Variants in LRBA observed in about 807,000 individuals in gnomAD.
LRBA encodes LPS responsive beige-like anchor protein.
LRBA carries 176 observed loss-of-function variants against 330.0 expected under a neutral mutation model. That is an observed-to-expected ratio of 0.53 (90% CI 0.47 to 0.60). LRBA has a LOEUF of 0.60. Among genes scored for constraint, LRBA ranks in the 20% least tolerant of loss-of-function variants. LRBA has a pLI of 0.00. For synonymous variants in LRBA, 1,230 were observed against 1,193.0 expected (o/e 1.03, Z -0.64); for missense variants, 3,259 against 3,444.8 (o/e 0.95, Z 1.35).
chr4:150,517,320 G>A (rs1050962930), intron 40 of LRBA, among the ~76,000 whole-genome samples: 10 of 152,010 alleles, frequency 6.6e-5, no homozygotes, highest in East Asian at 5.8e-4. Context: ...CCAGGAGTTC[G>A]AGACCAGCCT....
intron 40 of LRBA, chr4:150,584,472 T>TCCCC (rs67191302): frequency 1.6e-5 from 2 of 129,026 alleles, no homozygotes; most frequent in African/African-American, 8.3e-5. Flanking sequence ...CTCCACCCCA[T>TCCCC]CCCCCCCCCC....
intron 12 of LRBA, 74 bp from the exon 13 acceptor site, chr4:150,906,064 GA>G: frequency 1.5e-6 from 2 of 1,299,352 alleles, no homozygotes; most frequent in African/African-American, 1.5e-5. Context: ...TCCCTACCAG[GA>G]AAAAAACTGG....
At chr4:150,950,207 C>A (rs1736680303) in intron 2 of LRBA, among the ~76,000 whole-genome samples, 1 of 152,074 alleles carries the variant, frequency 6.6e-6, no homozygotes, top group Non-Finnish European at 1.5e-5. Flanking sequence ...ATAGCAGTGA[C>A]ATATTTCAAA....
chr4:150,609,551 G>A (rs1231985681), intron 37 of LRBA, among the ~76,000 whole-genome samples: 1 of 152,232 alleles, frequency 6.6e-6, no homozygotes, highest in Non-Finnish European at 1.5e-5. Flanking sequence ...AGTGAAGTCA[G>A]GAAGTTCACT....
chr4:150,910,393 T>C (rs1731849473), intron 9 of LRBA, among the ~76,000 whole-genome samples: 1 of 152,188 alleles, frequency 6.6e-6, no homozygotes, highest in South Asian at 2.1e-4. Flanking sequence ...CATCTGGATA[T>C]CCAGTTTTCC....
At position 150,360,743 on chromosome 4, in the gene LRBA, G is replaced by A. The variant is rs539087208; in HGVS notation, c.7195-10584C>T. ...AGAGGCCATTACAATTCTCAGTGCC[G>A]TGAAGAATGGCTACACCTTAGGAAA... is the stretch of plus-strand genomic sequence containing the variant. On this transcript the variant is annotated intron_variant, in intron 47 of 56. Transcript: ENST00000651943. 3.2e-4 allele frequency among the ~76,000 whole-genome samples: 48 copies of A among 152,288 alleles called. 1 individual carries two copies. Among genetic ancestry groups the A allele is most frequent in the Admixed American group, 1.9e-3 (29 of 15,308 alleles).
intron 47 of LRBA, among the ~76,000 whole-genome samples, chr4:150,381,219 C>CA (rs1430752430): frequency 1.3e-5 from 2 of 152,030 alleles, no homozygotes; most frequent in Non-Finnish European, 2.9e-5. Flanking sequence ...AACTCACATA[C>CA]CACAGAATTC....
chr4:150,908,602 C>T lies in LRBA; in HGVS notation c.1359+58G>A, dbSNP rs547866506. 23 of 1,499,350 alleles carry T rather than the reference C, an allele frequency of 1.5e-5. No homozygotes were observed. In the South Asian group the frequency reaches 2.3e-4, roughly 15 times the overall value. The allele number at this position is 1,499,350 out of a possible 1,614,324, so 92.9% of individuals were successfully genotyped here. On this transcript the variant is annotated intron_variant, in intron 10 of 56. Transcript: ENST00000651943. ...GTTTAACAGAAGCTACCAAATACAT[C>T]TCAATAACACATCAAAAATTACCAT... is the stretch of plus-strand genomic sequence containing the variant.
At chr4:150,356,883 GA>G (rs1326396331) in intron 47 of LRBA, among the ~76,000 whole-genome samples, 1 of 151,812 alleles carries the variant, frequency 6.6e-6, no homozygotes, top group Non-Finnish European at 1.5e-5. Context: ...TATTTACAAA[GA>G]AAAGTTTAAT....
intron 2 of LRBA, among the ~76,000 whole-genome samples, chr4:150,975,269 C>T (rs1045019982): frequency 6.6e-6 from 1 of 152,212 alleles, no homozygotes; most frequent in Admixed American, 6.5e-5. Context: ...TGGCTCACGC[C>T]TGTAATCCCA....
intron 2 of LRBA, among the ~76,000 whole-genome samples, chr4:150,934,216 T>C (rs1734820289): frequency 6.6e-6 from 1 of 152,180 alleles, no homozygotes; most frequent in African/African-American, 2.4e-5. Context: ...TATTCAAATA[T>C]TTAACAACTG....
chr4:150,890,823 A>G (rs1729385957), intron 17 of LRBA, among the ~76,000 whole-genome samples: 1 of 152,222 alleles, frequency 6.6e-6, no homozygotes, highest in Non-Finnish European at 1.5e-5. Context: ...CTAAAAGTAT[A>G]AAGTATAGAC....
chr4:150,569,573 C>T (rs1391497164), intron 40 of LRBA, among the ~76,000 whole-genome samples: 2 of 152,110 alleles, frequency 1.3e-5, no homozygotes, highest in Non-Finnish European at 2.9e-5. Flanking sequence ...TATAACTGTA[C>T]AGCAGAGACT....
intron 28 of LRBA, among the ~76,000 whole-genome samples, chr4:150,840,247 C>T (rs1748862245): frequency 6.6e-6 from 1 of 152,318 alleles, no homozygotes; most frequent in African/African-American, 2.4e-5. Flanking sequence ...TAATCGTTTA[C>T]TTTTAATTTC....
chr4:150,415,471 T>G lies in LRBA; in HGVS notation c.7161A>C (p.Lys2387Asn). The change falls in exon 47 of 57, where the codon AAA becomes AAC. Residue 2387 changes from lysine (K) to asparagine (N), a missense_variant. By Grantham distance (94) the Lys-to-Asn change is moderately conservative. Transcript: ENST00000651943. The part of the protein sequence containing the change: ...VSDVELPPWA[K>N]TSEEFVHINR... ...TTATGTGAACAAATTCTTCTGAGGTTTTGGCCCAAGGAGGAAGTTCGACAT... is the reference window on the plus strand; with the variant it reads ...TTATGTGAACAAATTCTTCTGAGGTGTTGGCCCAAGGAGGAAGTTCGACAT... 6.2e-7 allele frequency: 1 copy of G among 1,613,740 alleles called. No individual in the cohort carries two copies. The highest frequency in any genetic ancestry group is 8.5e-7 in the Non-Finnish European group (1 of 1,179,780).
chr4:150,825,329 G>A (rs997695458), intron 30 of LRBA, among the ~76,000 whole-genome samples: 6 of 152,088 alleles, frequency 3.9e-5, no homozygotes, highest in African/African-American at 1.2e-4. Flanking sequence ...TTAAAATGCT[G>A]TGTGACACTA....
chr4:150,713,861 C>T lies in LRBA; in HGVS notation c.5754+21397G>A, dbSNP rs534218629. Among the ~76,000 whole-genome samples the T allele has an allele frequency of 2.4e-4, 36 of 152,208 alleles. 1 individual carries two copies. The highest frequency in any genetic ancestry group is 6.8e-3 in the Middle Eastern group (2 of 294). On this transcript the variant is annotated intron_variant, in intron 36 of 56. Transcript: ENST00000651943. ...ATTATCACATTTTCCCCATATAAAA[C>T]CAAAGACATGAGGAACAGAAGGATC...
Position 150,896,390 on chromosome 4 carries a change from T to C in LRBA, c.2067+4A>G, listed in dbSNP as rs1285170967. ...AATTTCAAAATATAAAATTCATATA[T>C]TACCTCATGCATAGTCAGTAGGTAA... On this transcript the variant is annotated splice_donor_region_variant and intron_variant, in intron 16 of 56. Transcript: ENST00000651943. 1 of 1,431,552 alleles carries C rather than the reference T, an allele frequency of 7.0e-7. No homozygotes were observed. Among genetic ancestry groups the C allele is most frequent in the Non-Finnish European group, 9.7e-7 (1 of 1,033,474 alleles). The allele number at this position is 1,431,552 out of a possible 1,614,324, so 88.7% of individuals were successfully genotyped here.
At chr4:150,269,347 T>C (rs1359822482) in intron 56 of LRBA, among the ~76,000 whole-genome samples, 2 of 152,204 alleles carry the variant, frequency 1.3e-5, no homozygotes, top group African/African-American at 4.8e-5. Context: ...CCCTCACATA[T>C]GTGCTCAAAT....
Sources: gnomAD v4.1 joint callset for allele counts (sites outside exome capture counted in the v4.1 genomes callset) on GRCh38, gnomAD v4.1.1 for gene constraint, MANE v1.5 for transcripts, NCBI Gene and HGNC (gene_info 2026-07-23, HGNC 2026-07-21) for gene names.